The following FAM20C variants were observed in gnomAD, a reference collection of about 807,000 sequenced individuals.
FAM20C encodes extracellular serine/threonine protein kinase FAM20C.
FAM20C carries 40 observed loss-of-function variants against 51.5 expected under a neutral mutation model. The observed-to-expected ratio is 0.78, with a 90% CI of 0.60 to 1.01. The LOEUF is 1.01. FAM20C is among the 50% of genes least tolerant of loss of function. The pLI is 0.00. For synonymous variants in FAM20C, 406 were observed against 380.6 expected, an observed-to-expected ratio of 1.07 and a Z score of -0.78; for missense variants, 861 against 844.7, an observed-to-expected ratio of 1.02 and a Z score of -0.24.
intron 2 of FAM20C, among the ~76,000 whole-genome samples, chr7:196,882 G>A (rs1208871353): frequency 6.6e-6 from 1 of 152,190 alleles, no homozygotes; most frequent in East Asian, 1.9e-4. Flanking sequence ...ACAGAGATCA[G>A]CTGGACAAGC....
At chr7:216,800 C>T (rs538627693) in intron 3 of FAM20C, among the ~76,000 whole-genome samples, 2 of 152,148 alleles carry the variant, frequency 1.3e-5, no homozygotes, top group South Asian at 2.1e-4. Flanking sequence ...AGCCAAGACA[C>T]ATGAACAGAG....
At chr7:229,320 C>T (rs80167598) in intron 3 of FAM20C, 1,994 of 184,876 alleles carry the variant, frequency 0.011, 57 homozygotes, top group African/African-American at 0.042. Context: ...TTCCGCACAT[C>T]GCCGCCCTCC....
intron 2 of FAM20C, among the ~76,000 whole-genome samples, chr7:207,281 T>C (rs796722005): frequency 1.1e-4 from 4 of 35,770 alleles, no homozygotes; most frequent in South Asian, 2.5e-3. Context: ...TCGGTCACTG[T>C]CCCCTCGGCC....
chr7:240,472 G>A (rs2115132517), intron 3 of FAM20C, among the ~76,000 whole-genome samples: 1 of 151,546 alleles, frequency 6.6e-6, no homozygotes, highest in South Asian at 2.1e-4. Context: ...GATGACCATG[G>A]TGGTGATGAT....
Position 259,856 on chromosome 7 carries a change from A to T in FAM20C, c.1631A>T (p.Glu544Val). The change falls in exon 10 of 10, where the codon GAG becomes GTG. Residue 544 changes from glutamate (E) to valine (V), a missense_variant. Transcript: ENST00000313766. ...CCCGTGCTGTACCAGCCGCACCTGG[A>T]GGCCCTGGACCGGCGGCTCCGCGTC... is the stretch of plus-strand genomic sequence containing the variant. ...VAPVLYQPHL[E>V]ALDRRLRVVL... is the part of the protein sequence containing the mutation. 6.5e-7 allele frequency: 1 copy of T among 1,536,468 alleles called. No homozygotes were observed. Among genetic ancestry groups the T allele is most frequent in the Non-Finnish European group, 8.7e-7 (1 of 1,146,834 alleles).
intron 3 of FAM20C, among the ~76,000 whole-genome samples, chr7:226,992 C>T (rs1172381637): frequency 7.2e-5 from 11 of 152,224 alleles, no homozygotes; most frequent in African/African-American, 2.6e-4. Context: ...ACACTGGCAC[C>T]CTCCCCTCGG....
chr7:257,316 A>C (rs1242309640), intron 8 of FAM20C: 2 of 561,640 alleles, frequency 3.6e-6, no homozygotes, highest in South Asian at 2.1e-5. Context: ...CTGCAGACCA[A>C]GTCCCGGCAG....
chr7:254,939 G>A (rs770416398), intron 5 of FAM20C, among the ~76,000 whole-genome samples: 31 of 152,244 alleles, frequency 2.0e-4, no homozygotes, highest in Non-Finnish European at 3.8e-4. Flanking sequence ...GTTTCATTTC[G>A]TTTCGTGTCA....
At chr7:259,349 C>A (rs563645631) in intron 9 of FAM20C, among the ~76,000 whole-genome samples, 1 of 152,322 alleles carries the variant, frequency 6.6e-6, no homozygotes, top group South Asian at 2.1e-4. Flanking sequence ...AGGCGGCAGA[C>A]CACGCCGAAG....
Position 193,652 on chromosome 7 carries a change from C to A in FAM20C, c.453C>A (p.Pro151=), listed in dbSNP as rs1478842717. Residue 151 remains proline (P), a synonymous_variant, in exon 1 of 10, where the codon CCC becomes CCA. Transcript: ENST00000313766. ...RDPGPRRSES[P]PGPGGDASLL... is the part of the protein sequence containing the mutation. ...CCGGCCCGCGTCGGTCCGAGTCGCC[C>A]CCCGGCCCCGGCGGAGACGCCTCCC... 6.5e-7 allele frequency: 1 copy of A among 1,540,824 alleles called. No individual in the cohort carries two copies. The highest frequency in any genetic ancestry group is 8.7e-7 in the Non-Finnish European group (1 of 1,143,514).
chr7:257,819 G>GATGCT (rs1788655833), intron 8 of FAM20C, among the ~76,000 whole-genome samples: 1 of 120,262 alleles, frequency 8.3e-6, no homozygotes, highest in Non-Finnish European at 1.8e-5. Context: ...CCACTGCCCG[G>GATGCT]GGTGCTGGAG....
Position 193,930 on chromosome 7 carries a change from G to T in FAM20C, c.605+126G>T, listed in dbSNP as rs750593988. The stretch of plus-strand genomic sequence containing the variant: ...AGGCCGGGCAGGGAGTGTGGTGCGG[G>T]AGGAGGCAGCCGCCTACCTCAGGGC... On this transcript the variant is annotated intron_variant, in intron 1 of 9. Transcript: ENST00000313766. 6 of 1,352,544 alleles carry T rather than the reference G, an allele frequency of 4.4e-6. No homozygotes were observed. In the East Asian group the frequency reaches 1.7e-4, roughly 39 times the overall value. 83.8% of individuals were successfully genotyped at this position (1,352,544 alleles called of 1,614,324 possible). A position where few individuals can be genotyped will look rare whatever the true frequency, so the allele number is the denominator to read the frequency against.
intron 3 of FAM20C, chr7:228,560 G>C (rs745453024): frequency 4.4e-6 from 2 of 456,190 alleles, no homozygotes; most frequent in Non-Finnish European, 4.4e-6. Flanking sequence ...GGAGACGCCC[G>C]CTGCCTACAC....
chr7:207,140 C>T (rs560240504), intron 2 of FAM20C, among the ~76,000 whole-genome samples: 1 of 18,150 alleles, frequency 5.5e-5, no homozygotes, highest in African/African-American at 2.7e-4. Flanking sequence ...GCGTCGGTCA[C>T]TGTCCCCTCC....
chr7:230,315 C>T (rs1343837321), intron 3 of FAM20C, among the ~76,000 whole-genome samples: 3 of 136,300 alleles, frequency 2.2e-5, no homozygotes, highest in South Asian at 2.2e-4. Flanking sequence ...AGAGTCTCCA[C>T]GGGGAGCTCA....
chr7:243,942 A>AT (rs758248259), intron 3 of FAM20C, among the ~76,000 whole-genome samples: 7,559 of 138,072 alleles, frequency 0.055, 244 homozygotes, highest in East Asian at 0.12. Context: ...AATAATAATA[A>AT]TAATTATTAT....
intron 9 of FAM20C, among the ~76,000 whole-genome samples, chr7:259,013 C>T (rs1788759517): frequency 6.6e-6 from 1 of 152,238 alleles, no homozygotes; most frequent in African/African-American, 2.4e-5. Flanking sequence ...ACACAGGGAC[C>T]CTGCTCCCGC....
intron 3 of FAM20C, among the ~76,000 whole-genome samples, chr7:230,203 A>G (rs1787604583): frequency 6.6e-6 from 1 of 152,072 alleles, no homozygotes. Context: ...GGGAGATTAA[A>G]CGCAGAGGAG....
At chr7:230,644 A>G (rs1391553658) in intron 3 of FAM20C, among the ~76,000 whole-genome samples, 1 of 152,162 alleles carries the variant, frequency 6.6e-6, no homozygotes, top group Non-Finnish European at 1.5e-5. Flanking sequence ...CCTGCCCCAT[A>G]GAGCCTGGTA....
Sources: allele counts gnomAD v4.1 joint callset (sites outside exome capture counted in the v4.1 genomes callset), GRCh38; gene constraint gnomAD v4.1.1; transcripts MANE v1.5; gene names NCBI Gene and HGNC (gene_info 2026-07-23, HGNC 2026-07-21).